FMR1NB: variants seen among roughly 807,000 people sequenced by gnomAD.
FMR1NB encodes FMR1 neighbor.
Under a neutral mutation model 16.8 loss-of-function variants are expected in FMR1NB, and 10 were observed. That is an observed-to-expected ratio of 0.60 (90% CI 0.37 to 1.01). The LOEUF (loss-of-function observed/expected upper bound fraction) is 1.01, where lower values mean the gene tolerates loss of function less well. Among genes scored for constraint, FMR1NB ranks in the 50% least tolerant of loss-of-function variants. The pLI is 0.01. For synonymous variants in FMR1NB, 83 were observed against 79.1 expected, an observed-to-expected ratio of 1.05 and a Z score of -0.26; for missense variants, 205 against 204.8, an observed-to-expected ratio of 1.00 and a Z score of 0.00.
chrX:148,001,448 A>G (rs1411342109), intron 1 of FMR1NB, among the ~76,000 whole-genome samples: 3 of 112,040 alleles, frequency 2.7e-5, no homozygotes, highest in Non-Finnish European at 5.6e-5. Flanking sequence ...AAAATTTGAT[A>G]GTAGAGACAA....
chrX:148,007,929 T>A (rs1189845125), intron 3 of FMR1NB, among the ~76,000 whole-genome samples: 1 of 112,363 alleles, frequency 8.9e-6, no homozygotes, highest in African/African-American at 3.2e-5. Context: ...GGTCTTTATA[T>A]TATGTATGAA....
rs1327375846 is a variant in FMR1NB at position 147,982,579 on chromosome X, A to G, written c.277+900A>G. 4.5e-3 allele frequency among the ~76,000 whole-genome samples: 243 copies of G among 53,533 alleles called. No homozygotes were observed. In the Middle Eastern group the frequency reaches 0.053, roughly 12 times the overall value. 46.5% of individuals were successfully genotyped at this position (53,533 alleles called of 115,157 possible). On this transcript the variant is annotated intron_variant, in intron 1 of 5. Transcript: ENST00000370467. ...ACTCCAGCCTGGGCGACAGAGCGAG[A>G]CTCCGTCTCAAAAAAAAAAAAAAAA... is the stretch of plus-strand genomic sequence containing the variant.
At chrX:148,001,715 A>G (rs1011886051) in intron 1 of FMR1NB, among the ~76,000 whole-genome samples, 2 of 110,094 alleles carry the variant, frequency 1.8e-5, no homozygotes, top group African/African-American at 3.3e-5. Flanking sequence ...GCGCCATTGC[A>G]CTCCAGCCTG....
chrX:147,981,971 G>A (rs2044450329), intron 1 of FMR1NB, among the ~76,000 whole-genome samples: 1 of 111,432 alleles, frequency 9.0e-6, no homozygotes, highest in African/African-American at 3.3e-5. Context: ...CCACAAAATA[G>A]ACTAACCTCC....
chrX:148,004,355 C>T (rs1479323898), intron 2 of FMR1NB, among the ~76,000 whole-genome samples: 1 of 112,143 alleles, frequency 8.9e-6, no homozygotes, highest in Admixed American at 9.4e-5. Flanking sequence ...ATTGTACAGA[C>T]ACTGAAGCCA....
intron 1 of FMR1NB, among the ~76,000 whole-genome samples, chrX:147,990,882 C>T (rs1418594660): frequency 9.1e-6 from 1 of 110,144 alleles, no homozygotes; most frequent in Non-Finnish European, 1.9e-5. Flanking sequence ...ACCTTCTTCA[C>T]CACACCGCTG....
At chrX:148,004,381 C>T (rs782427273) in intron 2 of FMR1NB, among the ~76,000 whole-genome samples, 1 of 111,753 alleles carries the variant, frequency 8.9e-6, no homozygotes, top group Admixed American at 9.5e-5. Flanking sequence ...AAAAATGGTT[C>T]GAAAAAGATA....
At chrX:147,988,533 G>A (rs1557187307) in intron 1 of FMR1NB, among the ~76,000 whole-genome samples, 1 of 110,986 alleles carries the variant, frequency 9.0e-6, no homozygotes, top group African/African-American at 3.3e-5. Context: ...TCTATTTCCT[G>A]AATTTGAATG....
At chrX:148,003,412 T>C in intron 2 of FMR1NB, 92 bp downstream of exon 2, 1 of 1,017,777 alleles carries the variant, frequency 9.8e-7, no homozygotes, top group Non-Finnish European at 1.4e-6. Context: ...GTAATGGCAC[T>C]GGAGTGGGAC....
chrX:147,999,684 T>G (rs1373169031), intron 1 of FMR1NB, among the ~76,000 whole-genome samples: 1 of 111,657 alleles, frequency 9.0e-6, no homozygotes, highest in Non-Finnish European at 1.9e-5. Flanking sequence ...GTCTGTCTTC[T>G]CCACTGCATT....
Position 148,024,998 on chromosome X carries a change from T to C in FMR1NB, c.766T>C (p.Ter256GlnextTer37). Residue 256 changes from the stop codon to glutamine, a stop_lost, in exon 5 of 6, where the codon TAG (stop) becomes CAG (glutamine). Transcript: ENST00000370467. ...ARGREEHGDE[*>Q] ...AGGACGTGAGGAACATGGTGACGAG[T>C]AGCAAGAGACCAAAGGTAATTGACA... 8.3e-7 allele frequency: 1 copy of C among 1,209,333 alleles called. No individual in the cohort carries two copies. Among genetic ancestry groups the C allele is most frequent in the African/African-American group, 1.7e-5 (1 of 57,593 alleles).
chrX:148,022,823 A>G (rs1331472509), intron 4 of FMR1NB, among the ~76,000 whole-genome samples: 1 of 111,043 alleles, frequency 9.0e-6, no homozygotes, highest in Non-Finnish European at 1.9e-5. Context: ...AATGTACATG[A>G]CCAAATTTAA....
chrX:148,024,808 A>G, intron 4 of FMR1NB, 57 bp from the exon 5 acceptor site: 1 of 1,174,242 alleles, frequency 8.5e-7, no homozygotes, highest in Non-Finnish European at 1.1e-6. Context: ...TAACCCTCCC[A>G]TTGTTATTCT....
intron 1 of FMR1NB, among the ~76,000 whole-genome samples, chrX:147,997,700 A>G (rs1358383886): frequency 8.9e-6 from 1 of 111,871 alleles, no homozygotes; most frequent in African/African-American, 3.3e-5. Flanking sequence ...AATTTTTGCA[A>G]TCTATCCATC....
At chrX:148,016,043 T>A (rs946013825) in intron 4 of FMR1NB, among the ~76,000 whole-genome samples, 2 of 112,300 alleles carry the variant, frequency 1.8e-5, no homozygotes, top group Admixed American at 9.4e-5. Context: ...AATTGGCCTC[T>A]ATCATTATGT....
At chrX:147,990,075 C>G (rs1318019522) in intron 1 of FMR1NB, among the ~76,000 whole-genome samples, 1 of 109,893 alleles carries the variant, frequency 9.1e-6, no homozygotes, top group Non-Finnish European at 1.9e-5. Context: ...CTGCAGCTAG[C>G]TCCGTGTCTG....
chrX:147,997,762 GA>G (rs1483680192), intron 1 of FMR1NB, among the ~76,000 whole-genome samples: 1 of 109,183 alleles, frequency 9.2e-6, no homozygotes, highest in Non-Finnish European at 1.9e-5. Flanking sequence ...AAATTTACAA[GA>G]GAAAAAAAAA....
At chrX:147,989,075 G>A (rs921673956) in intron 1 of FMR1NB, among the ~76,000 whole-genome samples, 85 of 111,734 alleles carry the variant, frequency 7.6e-4, no homozygotes, top group African/African-American at 2.5e-3. Context: ...GAGGCGAAGA[G>A]GCATTCTGGT....
At chrX:147,994,005 A>G (rs1484099632) in intron 1 of FMR1NB, among the ~76,000 whole-genome samples, 3 of 110,964 alleles carry the variant, frequency 2.7e-5, no homozygotes, top group African/African-American at 9.9e-5. Flanking sequence ...TTTTCTCAAA[A>G]CAGCTTTCTC....
Sources: gnomAD v4.1 joint callset for allele counts (sites outside exome capture counted in the v4.1 genomes callset) on GRCh38, gnomAD v4.1.1 for gene constraint, MANE v1.5 for transcripts, NCBI Gene and HGNC (gene_info 2026-07-23, HGNC 2026-07-21) for gene names.